NRBF2: variants seen among roughly 807,000 people sequenced by gnomAD.
NRBF2 encodes nuclear receptor-binding factor 2.
NRBF2 carries 12 observed loss-of-function variants against 28.5 expected under a neutral mutation model. The ratio of observed to expected loss-of-function variants is 0.42; its 90% confidence interval spans 0.27 to 0.68. NRBF2 has a LOEUF of 0.68. NRBF2 is among the 30% of genes least tolerant of loss of function. NRBF2 has a pLI of 0.24. For synonymous variants in NRBF2, 102 were observed against 116.5 expected (o/e 0.88, Z 0.80); for missense variants, 274 against 333.5 (o/e 0.82, Z 1.39).
chr10:63,148,220 CA>C (rs1841594439), intron 2 of NRBF2, among the ~76,000 whole-genome samples: 1 of 152,178 alleles, frequency 6.6e-6, no homozygotes, highest in Non-Finnish European at 1.5e-5. Flanking sequence ...TGTTGGGCTT[CA>C]GTTAACCACT....
At chr10:63,147,661 G>GT (rs1165526093) in intron 2 of NRBF2, among the ~76,000 whole-genome samples, 26 of 142,476 alleles carry the variant, frequency 1.8e-4, no homozygotes, top group African/African-American at 2.6e-5. Flanking sequence ...GAATGTGCAT[G>GT]TTTGTTACAT....
chr10:63,142,040 G>A (rs1343289234), intron 1 of NRBF2, among the ~76,000 whole-genome samples: 1 of 149,714 alleles, frequency 6.7e-6, no homozygotes, highest in East Asian at 2.0e-4. Context: ...TTATTTTTTT[G>A]GTGTTCAATT....
chr10:63,137,882 G>A (rs1310322764), intron 1 of NRBF2, among the ~76,000 whole-genome samples: 1 of 152,154 alleles, frequency 6.6e-6, no homozygotes, highest in Non-Finnish European at 1.5e-5. Context: ...AGTACTAAGA[G>A]ATATCCAGCA....
intron 3 of NRBF2, 148 bp downstream of exon 3, chr10:63,152,338 G>T: frequency 1.7e-6 from 1 of 580,640 alleles, no homozygotes; most frequent in Non-Finnish European, 3.1e-6. Context: ...ACTTCACAAC[G>T]GAAATTAAAA....
At chr10:63,138,723 G>A (rs1297652959) in intron 1 of NRBF2, among the ~76,000 whole-genome samples, 2 of 111,868 alleles carry the variant, frequency 1.8e-5, no homozygotes, top group African/African-American at 5.5e-5. Context: ...CAGCCTGGGC[G>A]ACAGAGCGAG....
chr10:63,135,169 A>G (rs1217422299), intron 1 of NRBF2, among the ~76,000 whole-genome samples: 1 of 152,242 alleles, frequency 6.6e-6, no homozygotes, highest in Non-Finnish European at 1.5e-5. Context: ...CCTGGGCGAC[A>G]GAGCGAGACT....
chr10:63,148,838 C>G (rs148975150), intron 2 of NRBF2, among the ~76,000 whole-genome samples: 1 of 152,172 alleles, frequency 6.6e-6, no homozygotes, highest in African/African-American at 2.4e-5. Context: ...TCTCTTCTTT[C>G]ATACACAACA....
chr10:63,152,652 T>C (rs2132697182), intron 3 of NRBF2, among the ~76,000 whole-genome samples: 1 of 152,356 alleles, frequency 6.6e-6, no homozygotes, highest in African/African-American at 2.4e-5. Flanking sequence ...CACCAATTGC[T>C]TTAAATTGTC....
At chr10:63,145,285 A>G (rs983034282) in intron 1 of NRBF2, among the ~76,000 whole-genome samples, 1 of 151,896 alleles carries the variant, frequency 6.6e-6, no homozygotes, top group Admixed American at 6.6e-5. Context: ...CCTGTTAGCC[A>G]GGATGGTCTC....
In NRBF2 at chr10:63,154,865, TAATC is replaced by T. The variant is rs768010738; in HGVS notation, c.*649_*652del. 5 of 152,642 alleles carry T rather than the reference TAATC, an allele frequency of 3.3e-5. No homozygotes were observed. Among genetic ancestry groups the T allele is most frequent in the African/African-American group, 4.8e-5 (2 of 41,442 alleles). 9.5% of individuals were successfully genotyped at this position (152,642 alleles called of 1,614,324 possible). A position where few individuals can be genotyped will look rare whatever the true frequency, so the allele number is the denominator to read the frequency against. On this transcript the variant is annotated 3_prime_UTR_variant, in exon 4 of 4. Coordinates refer to ENST00000277746, the MANE Select transcript of NRBF2 (RefSeq NM_030759.5). ...AAAACAAATTACCAGTTTACATAATTAATCAGGGTGCATTTTAAGTTCTAACTTC... is the reference window on the plus strand; with the variant it reads ...AAAACAAATTACCAGTTTACATAATTAGGGTGCATTTTAAGTTCTAACTTC...
intron 1 of NRBF2, among the ~76,000 whole-genome samples, chr10:63,142,310 T>TA (rs1321083083): frequency 6.8e-6 from 1 of 147,152 alleles, no homozygotes; most frequent in Admixed American, 6.8e-5. Flanking sequence ...TTGTTTTTTT[T>TA]GTTTTTTTTT....
In NRBF2 at chr10:63,154,022, A is replaced by G; in HGVS notation, c.668A>G (p.Glu223Gly). The change falls in exon 4 of 4, where the codon GAA (glutamate) becomes GGA (glycine). Residue 223 changes from glutamate to glycine, a missense_variant. By Grantham distance (98) the Glu-to-Gly change is moderately conservative. Transcript: ENST00000277746. Reference sequence around the variant, plus strand: ...CTGGATGTAGATGCTGATTTTGTAGAAACGTCAGAGTTATGGAGCTTGCCA... The same window carrying G: ...CTGGATGTAGATGCTGATTTTGTAGGAACGTCAGAGTTATGGAGCTTGCCA... ...KELDVDADFV[E>G]TSELWSLPPH... The G allele has an allele frequency of 1.2e-6, 2 of 1,612,290 alleles. No individual in the cohort carries two copies. The highest frequency in any genetic ancestry group is 1.7e-6 in the Non-Finnish European group (2 of 1,179,828).
intron 3 of NRBF2, among the ~76,000 whole-genome samples, chr10:63,153,039 A>C (rs1841673635): frequency 1.3e-5 from 2 of 152,166 alleles, no homozygotes; most frequent in South Asian, 4.1e-4. Flanking sequence ...TTTGTTATAA[A>C]AGTATTAGTT....
At position 63,143,822 on chromosome 10, in the gene NRBF2, A is replaced by G. The variant is rs867829584; in HGVS notation, c.31-2387A>G. On this transcript the variant is annotated intron_variant, in intron 1 of 3. Transcript: ENST00000277746. ...GACTGGAGTGCAGTGGTGCGATCAC[A>G]GGTCACTGCAGCCTCCATTACCCAG... Among the ~76,000 whole-genome samples the G allele has an allele frequency of 3.0e-4, 45 of 147,876 alleles. 1 individual carries two copies. The Middle Eastern group carries it at 0.018, about 58-fold the overall frequency.
chr10:63,135,567 T>G (rs1457144075), intron 1 of NRBF2, among the ~76,000 whole-genome samples: 1 of 152,184 alleles, frequency 6.6e-6, no homozygotes, highest in Non-Finnish European at 1.5e-5. Context: ...GACAGAGTCT[T>G]TTTAAGCAGG....
intron 1 of NRBF2, among the ~76,000 whole-genome samples, chr10:63,144,963 T>C (rs1176538863): frequency 6.6e-6 from 1 of 152,138 alleles, no homozygotes; most frequent in Non-Finnish European, 1.5e-5. Flanking sequence ...TATCTCTGCC[T>C]TTCTCCTTGC....
chr10:63,139,070 C>T (rs558747943), intron 1 of NRBF2, among the ~76,000 whole-genome samples: 2 of 152,124 alleles, frequency 1.3e-5, no homozygotes, highest in South Asian at 2.1e-4. Flanking sequence ...AGTGCAATGG[C>T]GTAATCTCAG....
chr10:63,133,628 G>GT (rs1445592385), intron 1 of NRBF2, 128 bp downstream of exon 1: 1 of 726,816 alleles, frequency 1.4e-6, no homozygotes, highest in African/African-American at 1.8e-5. Context: ...CGCAGAGGCT[G>GT]TGAGGGGCTG....
rs2132698879 is a variant in NRBF2 at position 63,153,795 on chromosome 10, A to G, written c.441A>G (p.Gln147=). 2 of 1,613,140 alleles carry G rather than the reference A, an allele frequency of 1.2e-6. No homozygotes were observed. Among genetic ancestry groups the G allele is most frequent in the South Asian group, 2.2e-5 (2 of 91,032 alleles). The change falls in exon 4 of 4, where the codon CAA becomes CAG. Residue 147 remains glutamine (Q), a synonymous_variant. Transcript: ENST00000277746. The part of the protein sequence containing the change: ...DPDTLLYLLQ[Q]KSEPAEPCIG... Reference sequence around the variant, plus strand: ...ACACACTACTTTATTTACTTCAGCAAAAGAGTGAGCCAGCAGAGCCATGTA... The same window carrying G: ...ACACACTACTTTATTTACTTCAGCAGAAGAGTGAGCCAGCAGAGCCATGTA...
Sources: allele counts gnomAD v4.1 joint callset (sites outside exome capture counted in the v4.1 genomes callset), GRCh38; gene constraint gnomAD v4.1.1; transcripts MANE v1.5; gene names NCBI Gene and HGNC (gene_info 2026-07-23, HGNC 2026-07-21).